ATF6: variants seen among roughly 807,000 people sequenced by gnomAD.
ATF6 encodes cyclic AMP-dependent transcription factor ATF-6 alpha.
In ATF6, 53 loss-of-function variants were observed where a neutral mutation model predicts 83.6. The observed-to-expected ratio is 0.63, with a 90% CI of 0.51 to 0.80. The LOEUF (loss-of-function observed/expected upper bound fraction) is 0.80. Among genes scored for constraint, ATF6 ranks in the 30% least tolerant of loss-of-function variants. The probability of loss-of-function intolerance (pLI) is 0.00; values close to 1 mark genes in which losing one functional copy is unlikely to be tolerated. For synonymous variants in ATF6, 288 were observed against 285.8 expected (o/e 1.01, Z -0.08); for missense variants, 744 against 797.9 (o/e 0.93, Z 0.81).
At chr1:161,829,182 T>C (rs1352448854) in intron 9 of ATF6, among the ~76,000 whole-genome samples, 1 of 144,492 alleles carries the variant, frequency 6.9e-6, no homozygotes, top group African/African-American at 2.6e-5. Flanking sequence ...ACAATCATAA[T>C]GGGAGACTTT....
At chr1:161,923,822 A>T (rs1273492038) in intron 15 of ATF6, among the ~76,000 whole-genome samples, 1 of 152,172 alleles carries the variant, frequency 6.6e-6, no homozygotes, top group East Asian at 1.9e-4. Context: ...TACCTAAGTG[A>T]CCTTCAGAGT....
At chr1:161,922,327 G>T (rs962024471) in intron 15 of ATF6, among the ~76,000 whole-genome samples, 17 of 152,116 alleles carry the variant, frequency 1.1e-4, no homozygotes, top group African/African-American at 4.1e-4. Flanking sequence ...TAACCAAACT[G>T]TTCTACTAAC....
intron 1 of ATF6, among the ~76,000 whole-genome samples, chr1:161,773,115 G>A (rs1200884777): frequency 9.9e-5 from 15 of 150,992 alleles, no homozygotes; most frequent in Non-Finnish European, 1.9e-4. Context: ...ACAGGCGCCT[G>A]CCACCATGCC....
intron 9 of ATF6, among the ~76,000 whole-genome samples, chr1:161,834,035 C>A (rs1686145113): frequency 6.6e-6 from 1 of 152,210 alleles, no homozygotes. Flanking sequence ...AAAGGGAAGT[C>A]CATCAGACTA....
chr1:161,809,456 G>A (rs1685396150), intron 7 of ATF6, among the ~76,000 whole-genome samples: 1 of 152,104 alleles, frequency 6.6e-6, no homozygotes, highest in African/African-American at 2.4e-5. Context: ...ATGGACATTT[G>A]GGTTGGTTCC....
intron 10 of ATF6, among the ~76,000 whole-genome samples, chr1:161,851,455 C>G (rs1019764966): frequency 5.3e-5 from 8 of 152,130 alleles, no homozygotes; most frequent in African/African-American, 1.7e-4. Context: ...TATGATGAAC[C>G]ATGTGTTATT....
chr1:161,829,189 C>CTTTTTT lies in ATF6; in HGVS notation c.1187+8048_1187+8053dup, dbSNP rs35619050. On this transcript the variant is annotated intron_variant, in intron 9 of 15. Coordinates refer to ENST00000367942, the MANE Select transcript of ATF6 (RefSeq NM_007348.4). ...ACTCCCACACAATCATAATGGGAGA[C>CTTTTTT]TTTTTTTTTTTTTTTTTTTTTTTTT... Among the ~76,000 whole-genome samples the CTTTTTT allele has an allele frequency of 1.2e-4, 9 of 72,594 alleles. 1 individual carries two copies. The highest frequency in any genetic ancestry group is 0.01 in the Middle Eastern group (1 of 98). The allele number at this position is 72,594 out of a possible 152,430, so 47.6% of individuals were successfully genotyped here.
chr1:161,846,479 C>T lies in ATF6; in HGVS notation c.1218C>T (p.Asn406=), dbSNP rs771652428. 1.9e-6 allele frequency: 3 copies of T among 1,610,308 alleles called. No individual in the cohort carries two copies. Among genetic ancestry groups the T allele is most frequent in the South Asian group, 1.1e-5 (1 of 90,828 alleles). ...TGGAACAGGATTCCAGGAGAATGAA[C>T]CCTAGTGTGAGCCCTGCAAATCAAA... ...SMLEQDSRRM[N]PSVSPANQRR... Residue 406 remains asparagine, a synonymous_variant, in exon 10 of 16, where the codon AAC becomes AAT. Coordinates refer to ENST00000367942, the MANE Select transcript of ATF6 (RefSeq NM_007348.4).
chr1:161,936,721 G>A (rs764347505), intron 15 of ATF6, among the ~76,000 whole-genome samples: 1 of 152,126 alleles, frequency 6.6e-6, no homozygotes, highest in African/African-American at 2.4e-5. Flanking sequence ...ATATTTAACA[G>A]GAAGGGAAAT....
At chr1:161,795,695 C>G (rs1685001372) in intron 6 of ATF6, among the ~76,000 whole-genome samples, 2 of 151,356 alleles carry the variant, frequency 1.3e-5, no homozygotes, top group Admixed American at 1.3e-4. Flanking sequence ...TTTGAGCATG[C>G]TAAAATGGAT....
At chr1:161,772,005 T>A (rs1684399447) in intron 1 of ATF6, among the ~76,000 whole-genome samples, 1 of 152,162 alleles carries the variant, frequency 6.6e-6, no homozygotes, top group Non-Finnish European at 1.5e-5. Context: ...ACCAATAACA[T>A]CTCACTTTCA....
intron 8 of ATF6, 86 bp from the exon 9 acceptor site, chr1:161,820,984 G>C (rs1227784672): frequency 3.5e-6 from 3 of 855,174 alleles, no homozygotes; most frequent in African/African-American, 3.5e-5. Flanking sequence ...TACGTAACCG[G>C]TAAAGAGGAA....
chr1:161,845,121 G>A (rs910070490), intron 9 of ATF6, among the ~76,000 whole-genome samples: 1 of 152,178 alleles, frequency 6.6e-6, no homozygotes, highest in Non-Finnish European at 1.5e-5. Context: ...AAGAATTGAG[G>A]AGAATGGAAA....
At chr1:161,771,296 C>A (rs1018480755) in intron 1 of ATF6, among the ~76,000 whole-genome samples, 5 of 152,142 alleles carry the variant, frequency 3.3e-5, no homozygotes, top group African/African-American at 1.2e-4. Flanking sequence ...AGATCAGAAG[C>A]TTTCGTCTGC....
chr1:161,945,355 C>G (rs1183161935), intron 15 of ATF6, among the ~76,000 whole-genome samples: 1 of 152,202 alleles, frequency 6.6e-6, no homozygotes, highest in Non-Finnish European at 1.5e-5. Context: ...GAATTAATCT[C>G]TTTATTTCTC....
chr1:161,900,716 A>G (rs12036425), intron 14 of ATF6, among the ~76,000 whole-genome samples: 21,833 of 152,016 alleles, frequency 0.14, 2,142 homozygotes, highest in East Asian at 0.33. Context: ...TTTGCTTTGC[A>G]TATGTACACA....
chr1:161,796,953 A>T (rs193053968), intron 6 of ATF6, among the ~76,000 whole-genome samples: 1 of 151,242 alleles, frequency 6.6e-6, no homozygotes, highest in African/African-American at 2.4e-5. Flanking sequence ...ATAAATATAT[A>T]TTTTCATAGT....
chr1:161,895,646 C>T (rs1336756793), intron 14 of ATF6, among the ~76,000 whole-genome samples: 3 of 152,104 alleles, frequency 2.0e-5, no homozygotes, highest in African/African-American at 4.8e-5. Flanking sequence ...GCCTATATGA[C>T]TGTGAGAATG....
intron 14 of ATF6, among the ~76,000 whole-genome samples, chr1:161,866,488 G>A (rs889493390): frequency 2.0e-5 from 3 of 152,184 alleles, no homozygotes; most frequent in Non-Finnish European, 4.4e-5. Context: ...AAGTGCTTCT[G>A]TTCTTTTGAC....
Sources: allele counts gnomAD v4.1 joint callset (sites outside exome capture counted in the v4.1 genomes callset), GRCh38; gene constraint gnomAD v4.1.1; transcripts MANE v1.5; gene names NCBI Gene and HGNC (gene_info 2026-07-23, HGNC 2026-07-21).